The following YEATS2 variants were observed in gnomAD, a reference collection of about 807,000 sequenced individuals.
The protein encoded by YEATS2 is YEATS domain containing 2, also known as YEATS domain-containing protein 2.
Under a neutral mutation model 163.2 loss-of-function variants are expected in YEATS2, and 77 were observed. The observed-to-expected ratio is 0.47, with a 90% CI of 0.39 to 0.57. YEATS2 has a LOEUF of 0.57. Ranked by LOEUF, YEATS2 falls within the 20% of genes least tolerant of loss-of-function variation. The pLI is 0.00. For missense variants in YEATS2, 1,549 were observed against 1,729.8 expected, an observed-to-expected ratio of 0.90 and a Z score of 1.85; for synonymous variants, 631 against 645.1, an observed-to-expected ratio of 0.98 and a Z score of 0.33.
At chr3:183,774,427 G>A (rs1180730222) in intron 17 of YEATS2, among the ~76,000 whole-genome samples, 3 of 152,026 alleles carry the variant, frequency 2.0e-5, no homozygotes, top group South Asian at 2.1e-4. Flanking sequence ...ACCACCCCCC[G>A]CCTCCTGTCC....
chr3:183,806,759 C>A, intron 27 of YEATS2, 107 bp from the exon 28 acceptor site: 1 of 1,116,966 alleles, frequency 9.0e-7, no homozygotes, highest in Non-Finnish European at 1.3e-6. Flanking sequence ...AGAAGGTCAG[C>A]TCCCCTGATG....
intron 1 of YEATS2, among the ~76,000 whole-genome samples, chr3:183,708,770 A>G (rs760321910): frequency 1.3e-5 from 2 of 152,124 alleles, no homozygotes; most frequent in Non-Finnish European, 2.9e-5. Flanking sequence ...AGGCTGAGGC[A>G]GGAGGATCAC....
Position 183,790,889 on chromosome 3 carries a change from G to A in YEATS2, c.3006G>A (p.Val1002=), listed in dbSNP as rs751643144. The A allele has an allele frequency of 3.7e-5, 60 of 1,614,026 alleles. No individual in the cohort carries two copies. Among genetic ancestry groups the A allele is most frequent in the Non-Finnish European group, 4.7e-5 (56 of 1,180,040 alleles). The change falls in exon 21 of 31, where the codon GTG becomes GTA. Residue 1002 remains valine (V), a synonymous_variant. Transcript: ENST00000305135. ...QQQVCVSQAT[V]GTCKAATPTV... ...AAGTGTGTGTGAGCCAGGCCACCGT[G>A]GGAACCTGCAAGGCTGCCACCCCCA...
intron 9 of YEATS2, among the ~76,000 whole-genome samples, chr3:183,749,871 G>A (rs1719974693): frequency 6.6e-6 from 1 of 152,046 alleles, no homozygotes; most frequent in Non-Finnish European, 1.5e-5. Context: ...AGGTTGGAGT[G>A]CAGTGGCTCG....
chr3:183,753,881 A>T (rs559257314), intron 10 of YEATS2, among the ~76,000 whole-genome samples: 37 of 152,288 alleles, frequency 2.4e-4, no homozygotes, highest in African/African-American at 8.4e-4. Flanking sequence ...TGTTCTTTTT[A>T]TGTTATACAT....
At chr3:183,794,805 G>T (rs144168964) in intron 21 of YEATS2, among the ~76,000 whole-genome samples, 1 of 152,232 alleles carries the variant, frequency 6.6e-6, no homozygotes, top group Non-Finnish European at 1.5e-5. Flanking sequence ...CACTTTTTAA[G>T]GCATTTATAC....
At chr3:183,732,987 G>C (rs1015230885) in intron 7 of YEATS2, among the ~76,000 whole-genome samples, 1 of 152,044 alleles carries the variant, frequency 6.6e-6, no homozygotes, top group East Asian at 1.9e-4. Flanking sequence ...TAGCCTCCTG[G>C]GTAGCTAGGA....
intron 1 of YEATS2, among the ~76,000 whole-genome samples, chr3:183,698,248 T>C (rs2108938908): frequency 6.6e-6 from 1 of 152,254 alleles, no homozygotes; most frequent in South Asian, 2.1e-4. Context: ...GGCGCTGCGC[T>C]GAGGGGATAC....
chr3:183,718,451 CTT>C (rs1560229005), intron 3 of YEATS2, 47 bp from the exon 4 acceptor site: 3 of 1,442,092 alleles, frequency 2.1e-6, no homozygotes, highest in East Asian at 4.8e-5. Flanking sequence ...TTGTACATCT[CTT>C]TTATAATTGC....
At chr3:183,748,949 A>G (rs1050775207) in intron 9 of YEATS2, among the ~76,000 whole-genome samples, 4 of 151,648 alleles carry the variant, frequency 2.6e-5, no homozygotes, top group Non-Finnish European at 4.4e-5. Context: ...CAAAATGTAT[A>G]TATATTTTCT....
At chr3:183,740,583 G>A (rs1435601598) in intron 8 of YEATS2, among the ~76,000 whole-genome samples, 1 of 152,234 alleles carries the variant, frequency 6.6e-6, no homozygotes, top group African/African-American at 2.4e-5. Context: ...CTAGGGCAAG[G>A]CCCTAGCTCT....
At chr3:183,756,736 A>G (rs1720813001) in intron 12 of YEATS2, 47 bp downstream of exon 12, 1 of 1,326,656 alleles carries the variant, frequency 7.5e-7, no homozygotes, top group African/African-American at 1.5e-5. Flanking sequence ...TTTGATCTTT[A>G]TTAAAAATGT....
In YEATS2 at chr3:183,803,989, G is replaced by T; in HGVS notation, c.3585G>T (p.Trp1195Cys). 1 of 1,612,978 alleles carries T rather than the reference G, an allele frequency of 6.2e-7. No homozygotes were observed. The highest frequency in any genetic ancestry group is 1.1e-5 in the South Asian group (1 of 90,796). ...CAAAAGAAAATTTTTTTTTTAAGTGGCAAAGAGCAATGACAATGCGAAAAG... is the reference window on the plus strand; with the variant it reads ...CAAAAGAAAATTTTTTTTTTAAGTGTCAAAGAGCAATGACAATGCGAAAAG... ...WNIGKRRAAE[W>C]QRAMTMRKVL... is the part of the protein sequence containing the mutation. Residue 1195 changes from tryptophan to cysteine, a missense_variant and splice_region_variant, in exon 27 of 31, where the codon TGG becomes TGT. Transcript: ENST00000305135.
chr3:183,773,912 G>A (rs1722722619), intron 17 of YEATS2, 118 bp downstream of exon 17: 4 of 1,227,384 alleles, frequency 3.3e-6, no homozygotes, highest in South Asian at 3.8e-5. Flanking sequence ...TCTGTTGGGT[G>A]GTGTAATGGT....
chr3:183,801,642 T>C (rs1404859755), intron 25 of YEATS2, 114 bp downstream of exon 25: 1 of 789,442 alleles, frequency 1.3e-6, no homozygotes, highest in Non-Finnish European at 1.9e-6. Flanking sequence ...GCGGTTACCT[T>C]ATAAGGTTTC....
rs1718382720 is a variant in YEATS2 at position 183,736,743 on chromosome 3, A to C, written c.838A>C (p.Arg280=). The change falls in exon 8 of 31, where the codon AGA becomes CGA. Residue 280 remains arginine, a synonymous_variant. Transcript: ENST00000305135. ...VREPPFHLTR[R]GWGEFPVRVQ... ...AGAGCCTCCTTTTCACCTGACCAGA[A>C]GAGGCTGGGGTGAGTTTCCCGTCAG... 6.2e-7 allele frequency: 1 copy of C among 1,613,906 alleles called. No individual in the cohort carries two copies. The highest frequency in any genetic ancestry group is 8.5e-7 in the Non-Finnish European group (1 of 1,179,892).
At position 183,722,130 on chromosome 3, in the gene YEATS2, T is replaced by C; in HGVS notation, c.531T>C (p.Thr177=). 1 of 1,613,712 alleles carries C rather than the reference T, an allele frequency of 6.2e-7. No individual in the cohort carries two copies. Among genetic ancestry groups the C allele is most frequent in the Non-Finnish European group, 8.5e-7 (1 of 1,179,948 alleles). ...TGGAGCAGAGACCAAGCCGAAATAC[T>C]GGAAGGGTATATAGATGGGTGGATG... ...NNMEQRPSRN[T]GRDTSRITGS... The change falls in exon 5 of 31, where the codon ACT becomes ACC. Residue 177 remains threonine (T), a synonymous_variant. Coordinates refer to ENST00000305135, the MANE Select transcript of YEATS2 (RefSeq NM_018023.5).
intron 15 of YEATS2, among the ~76,000 whole-genome samples, chr3:183,762,992 G>A (rs1310106354): frequency 6.6e-6 from 1 of 151,740 alleles, no homozygotes; most frequent in African/African-American, 2.4e-5. Flanking sequence ...CAGAGGTTGC[G>A]GTGAGCTGAG....
intron 1 of YEATS2, among the ~76,000 whole-genome samples, chr3:183,698,490 C>G (rs1421709973): frequency 6.6e-6 from 1 of 152,100 alleles, no homozygotes; most frequent in Non-Finnish European, 1.5e-5. Context: ...GCGGGCAGTG[C>G]GGGGCGGAGT....
Sources: allele counts gnomAD v4.1 joint callset (sites outside exome capture counted in the v4.1 genomes callset), GRCh38; gene constraint gnomAD v4.1.1; transcripts MANE v1.5; gene names NCBI Gene and HGNC (gene_info 2026-07-23, HGNC 2026-07-21).